IL1RL1: variants seen among roughly 807,000 people sequenced by gnomAD.
The protein encoded by IL1RL1 is interleukin-1 receptor-like 1.
IL1RL1 carries 32 observed loss-of-function variants against 50.9 expected under a neutral mutation model. The observed-to-expected ratio is 0.63, with a 90% confidence interval of 0.47 to 0.84. IL1RL1 has a LOEUF of 0.84. Ranked by LOEUF, IL1RL1 falls within the 40% of genes least tolerant of loss-of-function variation. The pLI, the probability that IL1RL1 is intolerant of heterozygous loss-of-function variation, is 0.00. For synonymous variants in IL1RL1, 275 were observed against 236.0 expected, an observed-to-expected ratio of 1.17 and a Z score of -1.51; for missense variants, 773 against 662.9, an observed-to-expected ratio of 1.17 and a Z score of -1.82.
At chr2:102,343,606 C>G (rs1184191604) in intron 8 of IL1RL1, 191 bp downstream of exon 8, 1 of 1,457,728 alleles carries the variant, frequency 6.9e-7, no homozygotes, top group African/African-American at 1.4e-5. Context: ...AGCTTCTCTG[C>G]TGCTTAAATT....
intron 1 of IL1RL1, among the ~76,000 whole-genome samples, chr2:102,322,323 G>T (rs1029549219): frequency 3.3e-5 from 5 of 152,140 alleles, no homozygotes; most frequent in African/African-American, 1.2e-4. Flanking sequence ...TGTGTTGCCT[G>T]TCCCATTGCC....
intron 1 of IL1RL1, among the ~76,000 whole-genome samples, chr2:102,319,552 A>G (rs1676777637): frequency 2.6e-5 from 4 of 152,208 alleles, no homozygotes; most frequent in Admixed American, 2.6e-4. Flanking sequence ...TCAAACAATT[A>G]CCAAATATTT....
At chr2:102,337,955 T>C (rs1677389057) in intron 1 of IL1RL1, among the ~76,000 whole-genome samples, 161 bp from the exon 2 acceptor site, 2 of 152,188 alleles carry the variant, frequency 1.3e-5, no homozygotes, top group African/African-American at 2.4e-5. Flanking sequence ...AAAACTTCCA[T>C]AGGAATAAGT....
intron 1 of IL1RL1, among the ~76,000 whole-genome samples, chr2:102,322,276 T>A (rs1002799781): frequency 6.6e-6 from 1 of 152,186 alleles, no homozygotes; most frequent in African/African-American, 2.4e-5. Flanking sequence ...CTGCTCACAT[T>A]CCACAGTGCT....
chr2:102,341,270 T>C, intron 5 of IL1RL1: 1 of 1,256,380 alleles, frequency 8.0e-7, no homozygotes, highest in Non-Finnish European at 1.0e-6. Flanking sequence ...TGAGAGGCTT[T>C]GTGATGGTAT....
intron 1 of IL1RL1, among the ~76,000 whole-genome samples, chr2:102,332,163 A>C (rs1308991317): frequency 1.3e-5 from 2 of 152,208 alleles, no homozygotes; most frequent in African/African-American, 4.8e-5. Flanking sequence ...CAAAACTCAC[A>C]AAAATAATAT....
intron 1 of IL1RL1, among the ~76,000 whole-genome samples, chr2:102,325,522 GAGA>G (rs1212693521): frequency 2.0e-5 from 3 of 152,162 alleles, no homozygotes; most frequent in African/African-American, 4.8e-5. Flanking sequence ...GACGAGTTGA[GAGA>G]AGAAGGCTTC....
chr2:102,340,841 C>A lies in IL1RL1; in HGVS notation c.610+13C>A. ...TTCACGGTCAAGGGTAAGCTACTGA[C>A]ATTAATGAGATAGAATACTACGTGA... On this transcript the variant is annotated intron_variant, in intron 5 of 10. Transcript: ENST00000233954. 1 of 1,552,478 alleles carries A rather than the reference C, an allele frequency of 6.4e-7. No homozygotes were observed. The highest frequency in any genetic ancestry group is 8.6e-7 in the Non-Finnish European group (1 of 1,157,842).
chr2:102,317,369 A>G (rs1375894013), intron 1 of IL1RL1, among the ~76,000 whole-genome samples: 1 of 152,152 alleles, frequency 6.6e-6, no homozygotes, highest in African/African-American at 2.4e-5. Context: ...AAAAAGTTTC[A>G]GCAAAATACT....
At chr2:102,330,057 C>A (rs1401319424) in intron 1 of IL1RL1, among the ~76,000 whole-genome samples, 1 of 152,166 alleles carries the variant, frequency 6.6e-6, no homozygotes, top group East Asian at 1.9e-4. Context: ...TATAGCGGCA[C>A]TATTCACAAT....
chr2:102,337,283 C>A (rs1422274993), intron 1 of IL1RL1: 1 of 152,240 alleles, frequency 6.6e-6, no homozygotes, highest in Non-Finnish European at 1.5e-5. Context: ...AGACTGGAAA[C>A]TATTCTTAGC....
chr2:102,318,800 C>T (rs1376267184), intron 1 of IL1RL1, among the ~76,000 whole-genome samples: 3 of 152,066 alleles, frequency 2.0e-5, no homozygotes, highest in Non-Finnish European at 2.9e-5. Context: ...GCTTATAGCT[C>T]AAGGTAAGGG....
intron 1 of IL1RL1, among the ~76,000 whole-genome samples, chr2:102,334,269 A>G (rs1339435158): frequency 6.6e-6 from 1 of 152,118 alleles, no homozygotes; most frequent in Non-Finnish European, 1.5e-5. Flanking sequence ...TTTTGATAAT[A>G]GCCATTCAGA....
rs1210894726 is a variant in IL1RL1, at chr2:102,349,093, G to A, written c.1132G>A (p.Asp378Asn). Reference protein sequence around the residue: ...YKTRNDGKLYDAYVVYPRNYK... With the variant: ...YKTRNDGKLYNAYVVYPRNYK... ...TTCATTTTCAGATGGAAAGCTCTAT[G>A]ATGCTTATGTTGTCTACCCACGGAA... Residue 378 changes from aspartate (D) to asparagine (N), a missense_variant, in exon 10 of 11, where the codon GAT (aspartate) becomes AAT (asparagine). Transcript: ENST00000233954. 2 of 1,613,370 alleles carry A rather than the reference G, an allele frequency of 1.2e-6. No individual in the cohort carries two copies. Among genetic ancestry groups the A allele is most frequent in the African/African-American group, 2.7e-5 (2 of 74,918 alleles).
chr2:102,342,657 G>A (rs983123820), intron 6 of IL1RL1, among the ~76,000 whole-genome samples: 1 of 152,192 alleles, frequency 6.6e-6, no homozygotes, highest in Non-Finnish European at 1.5e-5. Context: ...CTTATGGAGA[G>A]ATGAAGAGAG....
intron 1 of IL1RL1, among the ~76,000 whole-genome samples, chr2:102,335,793 T>C (rs1208914999): frequency 1.3e-5 from 2 of 152,212 alleles, no homozygotes; most frequent in Non-Finnish European, 2.9e-5. Context: ...TGTGTTATTT[T>C]ATTGAACAAA....
At chr2:102,338,612 A>G (rs1677420216) in intron 2 of IL1RL1, among the ~76,000 whole-genome samples, 1 of 152,196 alleles carries the variant, frequency 6.6e-6, no homozygotes, top group South Asian at 2.1e-4. Context: ...CAGTTTGTTT[A>G]GATAGATAAG....
At chr2:102,344,441 A>T in intron 8 of IL1RL1, 1 of 776,792 alleles carries the variant, frequency 1.3e-6, no homozygotes, top group Non-Finnish European at 1.6e-6. Flanking sequence ...TGCATCTGTT[A>T]TTCACCATGT....
intron 1 of IL1RL1, among the ~76,000 whole-genome samples, chr2:102,321,156 G>T (rs1228789744): frequency 6.6e-6 from 1 of 152,110 alleles, no homozygotes; most frequent in Non-Finnish European, 1.5e-5. Flanking sequence ...CTTCCTAGTT[G>T]GCCTTCCCAG....
Sources: gnomAD v4.1 joint callset for allele counts (sites outside exome capture counted in the v4.1 genomes callset) on GRCh38, gnomAD v4.1.1 for gene constraint, MANE v1.5 for transcripts, NCBI Gene and HGNC (gene_info 2026-07-23, HGNC 2026-07-21) for gene names.